Variants in PTPN4 observed in about 807,000 individuals in gnomAD.
The protein encoded by PTPN4 is protein tyrosine phosphatase non-receptor type 4.
In PTPN4, 49 loss-of-function variants were observed where a neutral mutation model predicts 135.5. The observed-to-expected ratio is 0.36, with a 90% confidence interval of 0.29 to 0.46. The LOEUF is 0.46. Ranked by LOEUF, PTPN4 falls within the 20% of genes least tolerant of loss-of-function variation. The pLI is 1.00. For missense variants in PTPN4, 860 were observed against 1,101.0 expected, an observed-to-expected ratio of 0.78 and a Z score of 3.10; for synonymous variants, 333 against 369.9, an observed-to-expected ratio of 0.90 and a Z score of 1.14.
chr2:119,882,397 C>CT, intron 7 of PTPN4, 106 bp from the exon 8 acceptor site: 1 of 1,170,744 alleles, frequency 8.5e-7, no homozygotes, highest in Non-Finnish European at 1.2e-6. Flanking sequence ...ATATTAGAAA[C>CT]ATAAGTATTT....
At chr2:119,844,587 G>T (rs956069464) in intron 2 of PTPN4, among the ~76,000 whole-genome samples, 3 of 150,968 alleles carry the variant, frequency 2.0e-5, no homozygotes, top group African/African-American at 7.3e-5. Flanking sequence ...GTCTCGGCCG[G>T]GCAGAGGCGC....
chr2:119,951,877 A>T, intron 18 of PTPN4, 96 bp from the exon 19 acceptor site: 1 of 954,730 alleles, frequency 1.0e-6, no homozygotes, highest in Non-Finnish European at 1.5e-6. Flanking sequence ...TATGTAGTTT[A>T]GTTCTCCTGC....
At chr2:119,951,846 T>C in intron 18 of PTPN4, 127 bp from the exon 19 acceptor site, 1 of 720,534 alleles carries the variant, frequency 1.4e-6, no homozygotes, top group East Asian at 3.4e-5. Context: ...AAATAGATAA[T>C]AAATGAAAGA....
chr2:119,903,577 A>ACG (rs1678440475), intron 10 of PTPN4, among the ~76,000 whole-genome samples: 1 of 151,432 alleles, frequency 6.6e-6, no homozygotes, highest in Non-Finnish European at 1.5e-5. Context: ...ACACACACAC[A>ACG]CACACACCTT....
chr2:119,782,577 A>C (rs1574330796), intron 1 of PTPN4, among the ~76,000 whole-genome samples: 1 of 152,032 alleles, frequency 6.6e-6, no homozygotes, highest in African/African-American at 2.4e-5. Context: ...AGAAAAATGA[A>C]GTGACTGCTC....
Position 119,956,825 on chromosome 2 carries a change from CTTT to C in PTPN4, c.1981-5_1981-3del, listed in dbSNP as rs76723123. 205 of 1,502,056 alleles carry C rather than the reference CTTT, an allele frequency of 1.4e-4. No homozygotes were observed. Among genetic ancestry groups the C allele is most frequent in the Admixed American group, 7.5e-4 (32 of 42,648 alleles). 93.0% of individuals were successfully genotyped at this position (1,502,056 alleles called of 1,614,324 possible). A position where few individuals can be genotyped will look rare whatever the true frequency, so the allele number is the denominator to read the frequency against. On this transcript the variant is annotated splice_polypyrimidine_tract_variant and intron_variant, in intron 20 of 26. Coordinates refer to ENST00000263708, the MANE Select transcript of PTPN4 (RefSeq NM_002830.4). ...TTTATGGCTTTTGTTGGAATTGTAC[CTTT>C]TTTTTTTTTTTTTAGCAACTGTATC...
At chr2:119,889,939 T>A (rs1332780060) in intron 9 of PTPN4, among the ~76,000 whole-genome samples, 1 of 152,248 alleles carries the variant, frequency 6.6e-6, no homozygotes, top group Non-Finnish European at 1.5e-5. Context: ...GCCAAACATA[T>A]GGCCTATCTT....
At chr2:119,941,412 AGTGTGTGT>A (rs3084705) in intron 15 of PTPN4, among the ~76,000 whole-genome samples, 3 of 148,752 alleles carry the variant, frequency 2.0e-5, no homozygotes, top group African/African-American at 4.9e-5. Flanking sequence ...TAGACTTCAG[AGTGTGTGT>A]GTGTGTGTGT....
At chr2:119,854,493 G>A (rs1677643059) in intron 2 of PTPN4, among the ~76,000 whole-genome samples, 1 of 152,146 alleles carries the variant, frequency 6.6e-6, no homozygotes, top group South Asian at 2.1e-4. Flanking sequence ...AGAGTTTTGG[G>A]TGACGACTCT....
chr2:119,837,217 C>T (rs150353319), intron 2 of PTPN4, among the ~76,000 whole-genome samples: 11 of 152,186 alleles, frequency 7.2e-5, no homozygotes, highest in Admixed American at 5.2e-4. Context: ...CCGATTCACA[C>T]AGATGTTGGG....
At chr2:119,929,429 C>T (rs145457330) in intron 13 of PTPN4, among the ~76,000 whole-genome samples, 129 of 151,988 alleles carry the variant, frequency 8.5e-4, no homozygotes, top group Middle Eastern at 3.4e-3. Context: ...AATTTTTTAG[C>T]AATCATTAAA....
chr2:119,914,679 T>A (rs6732703), intron 10 of PTPN4, among the ~76,000 whole-genome samples: 48,080 of 151,966 alleles, frequency 0.32, 8,104 homozygotes, highest in African/African-American at 0.43. Context: ...GTGTTACTTA[T>A]TTTATGGTTT....
chr2:119,812,471 A>G (rs925042277), intron 2 of PTPN4, among the ~76,000 whole-genome samples: 1 of 152,182 alleles, frequency 6.6e-6, no homozygotes, highest in Non-Finnish European at 1.5e-5. Context: ...TCTGGTAGTT[A>G]TCTCATCAAA....
intron 1 of PTPN4, among the ~76,000 whole-genome samples, chr2:119,793,389 C>G (rs1458102878): frequency 6.6e-6 from 1 of 152,162 alleles, no homozygotes; most frequent in East Asian, 1.9e-4. Context: ...CCCTGAACAT[C>G]GCTGTTATCC....
chr2:119,874,589 G>A (rs963290338), intron 3 of PTPN4, among the ~76,000 whole-genome samples: 1 of 152,146 alleles, frequency 6.6e-6, no homozygotes, highest in Non-Finnish European at 1.5e-5. Flanking sequence ...CAGAATGTAG[G>A]TTAGTGATTG....
chr2:119,803,012 C>T (rs1437828656), intron 1 of PTPN4, among the ~76,000 whole-genome samples: 1 of 152,104 alleles, frequency 6.6e-6, no homozygotes, highest in African/African-American at 2.4e-5. Flanking sequence ...ATTACCATTT[C>T]AATGGTTGCA....
At chr2:119,926,507 T>G (rs1046649592) in intron 12 of PTPN4, 91 bp from the exon 13 acceptor site, 3 of 812,734 alleles carry the variant, frequency 3.7e-6, no homozygotes, top group African/African-American at 3.5e-5. Context: ...TCTTGTCTCT[T>G]AGGAAGTTAC....
At chr2:119,913,599 G>A (rs1678605120) in intron 10 of PTPN4, among the ~76,000 whole-genome samples, 1 of 152,128 alleles carries the variant, frequency 6.6e-6, no homozygotes, top group African/African-American at 2.4e-5. Context: ...AGGCCAGGCT[G>A]GGCAACATAG....
rs1679679335 is a variant in PTPN4 at position 119,980,694 on chromosome 2, A to G, written c.*3624A>G. 6.6e-6 allele frequency: 1 copy of G among 152,072 alleles called. No individual in the cohort carries two copies. The highest frequency in any genetic ancestry group is 2.1e-4 in the South Asian group (1 of 4,828). The allele number at this position is 152,072 out of a possible 1,614,324, so 9.4% of individuals were successfully genotyped here. A position where few individuals can be genotyped will look rare whatever the true frequency, so the allele number is the denominator to read the frequency against. On this transcript the variant is annotated 3_prime_UTR_variant, in exon 27 of 27. Coordinates refer to ENST00000263708, the MANE Select transcript of PTPN4 (RefSeq NM_002830.4). ...TTAATAACTATGACAACCTTAAAGG[A>G]TGTCACTTAAGTTAGAAAATAAGCA...
Sources: allele counts gnomAD v4.1 joint callset (sites outside exome capture counted in the v4.1 genomes callset), GRCh38; gene constraint gnomAD v4.1.1; transcripts MANE v1.5; gene names NCBI Gene and HGNC (gene_info 2026-07-23, HGNC 2026-07-21).